Variants in ZC3H4 observed in about 807,000 individuals in gnomAD.
The protein encoded by ZC3H4 is zinc finger CCCH domain-containing protein 4.
ZC3H4 carries 13 observed loss-of-function variants against 108.3 expected under a neutral mutation model. That is an observed-to-expected ratio of 0.12 (90% CI 0.08 to 0.19). The LOEUF is 0.19. Ranked by LOEUF, ZC3H4 falls within the 10% of genes least tolerant of loss-of-function variation. The pLI is 1.00. For synonymous variants in ZC3H4, 917 were observed against 749.6 expected, an observed-to-expected ratio of 1.22 and a Z score of -3.65; for missense variants, 1,734 against 1,838.8, an observed-to-expected ratio of 0.94 and a Z score of 1.04.
At chr19:47,104,319 A>AAATAAT (rs566928989) in intron 2 of ZC3H4, among the ~76,000 whole-genome samples, 4 of 152,000 alleles carry the variant, frequency 2.6e-5, no homozygotes, top group African/African-American at 9.7e-5. Context: ...ACTCTGTCTA[A>AAATAAT]AATAATAATA....
At chr19:47,088,971 G>A (rs1293192251) in intron 5 of ZC3H4, among the ~76,000 whole-genome samples, 2 of 152,012 alleles carry the variant, frequency 1.3e-5, no homozygotes, top group African/African-American at 4.8e-5. Flanking sequence ...ACTTTGGGAG[G>A]CCGAGGTGGG....
chr19:47,071,408 G>A (rs535663672), intron 13 of ZC3H4, among the ~76,000 whole-genome samples: 22 of 152,290 alleles, frequency 1.4e-4, no homozygotes, highest in Non-Finnish European at 2.8e-4. Context: ...GACACTGGTT[G>A]CTCCAAGCCG....
chr19:47,095,653 G>A (rs2057808532), intron 2 of ZC3H4, among the ~76,000 whole-genome samples: 1 of 152,144 alleles, frequency 6.6e-6, no homozygotes, highest in Non-Finnish European at 1.5e-5. Context: ...GGGTAGGAGT[G>A]AGGAAGAAAT....
chr19:47,084,303 G>A (rs1161051484), intron 9 of ZC3H4, 42 bp downstream of exon 9: 1 of 1,583,194 alleles, frequency 6.3e-7, no homozygotes, highest in Non-Finnish European at 8.7e-7. Context: ...TCCTCTGGGG[G>A]CTATGGCCTC....
rs763733629 is a variant in ZC3H4, at chr19:47,066,998, G to C, written c.3270C>G (p.Ala1090=). The change falls in exon 15 of 15, where the codon GCC becomes GCG. Residue 1090 remains alanine, a synonymous_variant. Coordinates refer to ENST00000253048, the MANE Select transcript of ZC3H4 (RefSeq NM_015168.2). ...PRLQKPTDST[A]SSRAAKPGPA... ...GGCCGGGCTTGGCAGCCCGGGAGGA[G>C]GCCGTAGAGTCTGTGGGTTTCTGCA... is the stretch of plus-strand genomic sequence containing the variant. 1.1e-5 allele frequency: 17 copies of C among 1,590,414 alleles called. No individual in the cohort carries two copies. The South Asian group carries it at 1.9e-4, about 18-fold the overall frequency.
chr19:47,103,401 T>C (rs1328277897), intron 2 of ZC3H4, among the ~76,000 whole-genome samples: 2 of 152,144 alleles, frequency 1.3e-5, no homozygotes, highest in Non-Finnish European at 2.9e-5. Context: ...TCTCCTGGGC[T>C]CAAGCAATCT....
At chr19:47,071,648 TA>T in intron 13 of ZC3H4, 129 bp downstream of exon 13, 1 of 978,862 alleles carries the variant, frequency 1.0e-6, no homozygotes. Context: ...ATTCAACCAT[TA>T]AATGGGACAG....
At chr19:47,098,125 G>A (rs973903395) in intron 2 of ZC3H4, among the ~76,000 whole-genome samples, 8 of 152,226 alleles carry the variant, frequency 5.3e-5, no homozygotes, top group African/African-American at 1.7e-4. Context: ...CCCACTCTAA[G>A]GAACAGGCCA....
At chr19:47,086,144 G>A (rs2057617300) in intron 6 of ZC3H4, among the ~76,000 whole-genome samples, 1 of 152,206 alleles carries the variant, frequency 6.6e-6, no homozygotes, top group South Asian at 2.1e-4. Context: ...TGGGATTACA[G>A]GTGTGAGCCA....
Position 47,090,202 on chromosome 19 carries a change from G to A in ZC3H4, c.493-13C>T, listed in dbSNP as rs765194514. Reference sequence around the variant, plus strand: ...ACTGCTGGTGGGACTGCGTCCCAGAGATGGGGAAAAGAGGTGAGCCGGATC... The same window carrying A: ...ACTGCTGGTGGGACTGCGTCCCAGAAATGGGGAAAAGAGGTGAGCCGGATC... On this transcript the variant is annotated splice_polypyrimidine_tract_variant and intron_variant, in intron 4 of 14. Transcript: ENST00000253048. The A allele has an allele frequency of 8.7e-6, 14 of 1,613,928 alleles. No individual in the cohort carries two copies. Among genetic ancestry groups the A allele is most frequent in the Non-Finnish European group, 1.2e-5 (14 of 1,179,830 alleles).
In ZC3H4 at chr19:47,066,802, C is replaced by T. The variant is rs769324016; in HGVS notation, c.3466G>A (p.Ala1156Thr). Residue 1156 changes from alanine to threonine, a missense_variant, in exon 15 of 15, where the codon GCG becomes ACG. Coordinates refer to ENST00000253048, the MANE Select transcript of ZC3H4 (RefSeq NM_015168.2). Reference protein sequence around the residue: ...ISLYDPRTPNAGGKATEPAAD... With the variant: ...ISLYDPRTPNTGGKATEPAAD... The stretch of plus-strand genomic sequence containing the variant: ...GCCGGCTCTGTGGCTTTGCCCCCCG[C>T]GTTGGGAGTCCTCGGGTCGTAGAGG... 21 of 1,600,316 alleles carry T rather than the reference C, an allele frequency of 1.3e-5. No homozygotes were observed. Among genetic ancestry groups the T allele is most frequent in the South Asian group, 5.5e-5 (5 of 90,414 alleles).
At position 47,096,272 on chromosome 19, in the gene ZC3H4, A is replaced by G. The variant is rs73566580; in HGVS notation, c.162-1664T>C. Among the ~76,000 whole-genome samples, 1,428 of 152,322 alleles carry G rather than the reference A, an allele frequency of 9.4e-3. 18 individuals carry two copies. Among genetic ancestry groups the G allele is most frequent in the African/African-American group, 0.033 (1,363 of 41,570 alleles). Reference sequence around the variant, plus strand: ...AAACTCTTTCTGCTGCTTCAAAGTCAACAACACAGGTGACCTGACCCATGT... The same window carrying G: ...AAACTCTTTCTGCTGCTTCAAAGTCGACAACACAGGTGACCTGACCCATGT... On this transcript the variant is annotated intron_variant, in intron 2 of 14. Coordinates refer to ENST00000253048, the MANE Select transcript of ZC3H4 (RefSeq NM_015168.2).
chr19:47,112,001 GCCAGGCGACGGGCAAGCGGGCCCGT>G, intron 2 of ZC3H4: 1 of 465,896 alleles, frequency 2.1e-6, no homozygotes, highest in Non-Finnish European at 2.8e-6. Context: ...CTTCCCCGAA[GCCAGGCGACGGGCAAGCGGGCCCGT>G]AGCTGCCAGC....
At chr19:47,111,333 C>T (rs2058036278) in intron 2 of ZC3H4, among the ~76,000 whole-genome samples, 2 of 152,220 alleles carry the variant, frequency 1.3e-5, no homozygotes, top group Non-Finnish European at 1.5e-5. Context: ...CATTATCACC[C>T]GCCAGCCAGA....
chr19:47,102,505 G>A (rs1250699283), intron 2 of ZC3H4, among the ~76,000 whole-genome samples: 1 of 152,156 alleles, frequency 6.6e-6, no homozygotes, highest in Non-Finnish European at 1.5e-5. Flanking sequence ...CTGCACCCCA[G>A]TCTCCATAAC....
rs1403276452 is a variant in ZC3H4, at chr19:47,067,605, G to T, written c.2663C>A (p.Ser888Tyr). The T allele has an allele frequency of 6.2e-7, 1 of 1,606,466 alleles. No homozygotes were observed. Among genetic ancestry groups the T allele is most frequent in the Non-Finnish European group, 8.5e-7 (1 of 1,177,934 alleles). ...GGSGPGDSGP[S>Y]DPRLARALPT... ...CAGGGCGCGAGCCAGCCGAGGATCG[G>T]AGGGTCCCGAATCACCTGGGCCAGA... Residue 888 changes from serine (S) to tyrosine (Y), a missense_variant, in exon 15 of 15, where the codon TCC becomes TAC. Physicochemically the swap from Ser to Tyr is moderately radical, Grantham distance 144 (BLOSUM62 -2). This residue lies in a region of ZC3H4 where 540 missense variants were observed against 484.1 expected (regional missense o/e 1.12). Coordinates refer to ENST00000253048, the MANE Select transcript of ZC3H4 (RefSeq NM_015168.2). The surrounding 1 kb of genome is among the most constrained non-coding windows in gnomAD (Gnocchi z 6.4).
In ZC3H4 at chr19:47,072,523, G is replaced by A. The variant is rs1184776369; in HGVS notation, c.1631C>T (p.Pro544Leu). The change falls in exon 12 of 15, where the codon CCG becomes CTG. Residue 544 changes from proline to leucine, a missense_variant. Transcript: ENST00000253048. This position sits in a 1 kb window ranked among gnomAD's most constrained non-coding sequence, Gnocchi z 5.6. ...GGGCGGTGGGGGAGGGGGAGGGGGCGGGGGCGGGGGGCCACCCTGCATGGG... is the reference window on the plus strand; with the variant it reads ...GGGCGGTGGGGGAGGGGGAGGGGGCAGGGGCGGGGGGCCACCCTGCATGGG... Reference protein sequence around the residue: ...GRPMQGGPPPPPPPPPPPPGP... With the variant: ...GRPMQGGPPPLPPPPPPPPGP... 13 of 1,150,746 alleles carry A rather than the reference G, an allele frequency of 1.1e-5. No homozygotes were observed. The highest frequency in any genetic ancestry group is 6.6e-5 in the Admixed American group (3 of 45,412). The allele number at this position is 1,150,746 out of a possible 1,614,324, so 71.3% of individuals were successfully genotyped here.
Position 47,090,175 on chromosome 19 carries a change from G to A in ZC3H4, c.507C>T (p.Tyr169=), listed in dbSNP as rs1328251550. Residue 169 remains tyrosine (Y), a synonymous_variant, in exon 5 of 15, where the codon TAC becomes TAT. Transcript: ENST00000253048. ...SPPYAPSHQQ[Y]PPSHATPLPK... ...GCAGGGGCGTGGCATGCGATGGGGG[G>A]TACTGCTGGTGGGACTGCGTCCCAG... 4 of 1,614,204 alleles carry A rather than the reference G, an allele frequency of 2.5e-6. No individual in the cohort carries two copies. Among genetic ancestry groups the A allele is most frequent in the South Asian group, 2.2e-5 (2 of 91,084 alleles).
intron 5 of ZC3H4, among the ~76,000 whole-genome samples, chr19:47,087,435 C>T (rs1424208416): frequency 3.9e-5 from 4 of 103,612 alleles, no homozygotes; most frequent in Non-Finnish European, 2.8e-5. Context: ...TTTTTCTTCA[C>T]TTAAAAAAAA....
Sources: allele counts gnomAD v4.1 joint callset (sites outside exome capture counted in the v4.1 genomes callset), GRCh38; gene constraint gnomAD v4.1.1; regional missense constraint gnomAD v4.1.1; non-coding constraint Gnocchi (gnomAD v3.1); transcripts MANE v1.5; gene names NCBI Gene and HGNC (gene_info 2026-07-23, HGNC 2026-07-21).